The following SLC16A7 variants were observed in gnomAD, a reference collection of about 807,000 sequenced individuals.
SLC16A7 encodes monocarboxylate transporter 2.
In SLC16A7, 33 loss-of-function variants were observed where a neutral mutation model predicts 34.9. That is an observed-to-expected ratio of 0.94 (90% CI 0.72 to 1.26). The LOEUF is 1.26. Among genes scored for constraint, SLC16A7 ranks in the 50% most tolerant of loss-of-function variants. The pLI, the probability that SLC16A7 is intolerant of heterozygous loss-of-function variation, is 0.00. For missense variants in SLC16A7, 573 were observed against 578.1 expected, an observed-to-expected ratio of 0.99 and a Z score of 0.09; for synonymous variants, 201 against 206.6, an observed-to-expected ratio of 0.97 and a Z score of 0.23.
intron 2 of SLC16A7, among the ~76,000 whole-genome samples, chr12:59,697,112 G>C (rs538743620): frequency 6.6e-6 from 1 of 151,998 alleles, no homozygotes; most frequent in Admixed American, 6.6e-5. Flanking sequence ...AACAAAGCAG[G>C]AACAATTTAA....
intron 5 of SLC16A7, among the ~76,000 whole-genome samples, chr12:59,775,865 C>A (rs1330657849): frequency 6.6e-6 from 1 of 151,968 alleles, no homozygotes; most frequent in Non-Finnish European, 1.5e-5. Flanking sequence ...AATATTCTCT[C>A]AAAAGGTCAG....
chr12:59,740,287 T>C (rs1410881286), intron 3 of SLC16A7, among the ~76,000 whole-genome samples: 1 of 152,040 alleles, frequency 6.6e-6, no homozygotes, highest in African/African-American at 2.4e-5. Context: ...CCCAGCACCA[T>C]TTATTAAATA....
At position 59,731,093 on chromosome 12, in the gene SLC16A7, T is replaced by C. The variant is rs556058573; in HGVS notation, c.217+26075T>C. ...GTCTGGTATAATTCCTTTTACCTAA[T>C]AAATGGTAAATATTGTATACTGCTA... On this transcript the variant is annotated intron_variant, in intron 3 of 5. Transcript: ENST00000547379. Among the ~76,000 whole-genome samples, 211 of 152,328 alleles carry C rather than the reference T, an allele frequency of 1.4e-3. 1 individual carries two copies. Among genetic ancestry groups the C allele is most frequent in the Middle Eastern group, 6.8e-3 (2 of 294 alleles).
intron 3 of SLC16A7, among the ~76,000 whole-genome samples, chr12:59,729,902 C>G (rs893270929): frequency 1.3e-5 from 2 of 152,134 alleles, no homozygotes; most frequent in African/African-American, 4.8e-5. Context: ...TGTGGAAAAG[C>G]TAAAAGTAAG....
At chr12:59,726,649 G>C (rs1293613188) in intron 3 of SLC16A7, among the ~76,000 whole-genome samples, 2 of 152,006 alleles carry the variant, frequency 1.3e-5, no homozygotes, top group African/African-American at 2.4e-5. Context: ...AAATTAAAAG[G>C]GTACAGAACC....
chr12:59,624,166 A>C (rs1798232403), intron 1 of SLC16A7, among the ~76,000 whole-genome samples: 1 of 151,608 alleles, frequency 6.6e-6, no homozygotes, highest in Admixed American at 6.6e-5. Context: ...AATAATTAAA[A>C]TATTAACAAA....
At chr12:59,687,650 C>T (rs1871261884) in intron 2 of SLC16A7, among the ~76,000 whole-genome samples, 1 of 152,106 alleles carries the variant, frequency 6.6e-6, no homozygotes, top group Non-Finnish European at 1.5e-5. Flanking sequence ...ATTTCTTGCC[C>T]ATGCTGCTTA....
At position 59,785,384 on chromosome 12, in the gene SLC16A7, G is replaced by A. The variant is rs1439610543; in HGVS notation, c.*5705G>A. On this transcript the variant is annotated 3_prime_UTR_variant, in exon 6 of 6. Coordinates refer to ENST00000547379, the MANE Select transcript of SLC16A7 (RefSeq NM_001270623.2). Reference sequence around the variant, plus strand: ...ATCAGGGAAGAATTGCTGTAGTATTGAGAATGGTCATTTTAAAAGTCTCTA... The same window carrying A: ...ATCAGGGAAGAATTGCTGTAGTATTAAGAATGGTCATTTTAAAAGTCTCTA... The A allele has an allele frequency of 6.6e-6, 1 of 152,052 alleles. No homozygotes were observed. The highest frequency in any genetic ancestry group is 1.5e-5 in the Non-Finnish European group (1 of 67,994). 9.4% of individuals were successfully genotyped at this position (152,052 alleles called of 1,614,324 possible).
chr12:59,756,257 A>C (rs12231132), intron 3 of SLC16A7, among the ~76,000 whole-genome samples: 5 of 152,208 alleles, frequency 3.3e-5, no homozygotes, highest in African/African-American at 1.2e-4. Flanking sequence ...TTGACAAATG[A>C]GATCTAATTA....
chr12:59,719,592 T>A (rs1214008480), intron 3 of SLC16A7: 1 of 152,254 alleles, frequency 6.6e-6, no homozygotes, highest in East Asian at 1.9e-4. Flanking sequence ...AAGTATTAAA[T>A]ATATATTTTA....
rs933863266 is a variant in SLC16A7 at position 59,622,914 on chromosome 12, A to G, written c.-130+26678A>G. On this transcript the variant is annotated intron_variant, in intron 1 of 5. Transcript: ENST00000547379. ...CAGCTCCAGCTTTGTTTTTTCATCTATGGTGATCCATCTGGTGTTCTTTTT... is the reference window on the plus strand; with the variant it reads ...CAGCTCCAGCTTTGTTTTTTCATCTGTGGTGATCCATCTGGTGTTCTTTTT... 4.0e-5 allele frequency among the ~76,000 whole-genome samples: 6 copies of G among 151,504 alleles called. 1 individual carries two copies. In the Admixed American group the frequency reaches 4.0e-4, roughly 10 times the overall value.
chr12:59,648,533 G>C (rs986890306), intron 1 of SLC16A7, among the ~76,000 whole-genome samples: 1 of 151,998 alleles, frequency 6.6e-6, no homozygotes, highest in African/African-American at 2.4e-5. Context: ...GAAGATTCAG[G>C]TATGTAATTT....
rs1252278634 is a variant in SLC16A7, at chr12:59,771,281, T to C, written c.280T>C (p.Leu94=). The C allele has an allele frequency of 6.2e-6, 10 of 1,613,358 alleles. No individual in the cohort carries two copies. In the Admixed American group the frequency reaches 6.7e-5, roughly 11 times the overall value. The stretch of plus-strand genomic sequence containing the variant: ...CCGGCCGGTGGTGATAGCAGGAGGC[T>C]TATTATGCTGTCTTGGAATGGTGTT... The part of the protein sequence containing the change: ...GSRPVVIAGG[L]LCCLGMVLAS... The change falls in exon 4 of 6, where the codon TTA becomes CTA. Residue 94 remains leucine (L), a synonymous_variant. Transcript: ENST00000547379.
At chr12:59,658,883 GT>G (rs1238849434) in intron 2 of SLC16A7, among the ~76,000 whole-genome samples, 1 of 152,004 alleles carries the variant, frequency 6.6e-6, no homozygotes, top group Admixed American at 6.6e-5. Context: ...TGAATTGAGA[GT>G]TTCTGATATG....
chr12:59,691,496 G>A (rs1292087416), intron 2 of SLC16A7, among the ~76,000 whole-genome samples: 1 of 152,004 alleles, frequency 6.6e-6, no homozygotes, highest in Non-Finnish European at 1.5e-5. Context: ...TTGAACAATT[G>A]CCTCCACCAT....
intron 3 of SLC16A7, among the ~76,000 whole-genome samples, chr12:59,736,431 C>T (rs1366169313): frequency 1.3e-5 from 2 of 152,244 alleles, no homozygotes; most frequent in East Asian, 1.9e-4. Flanking sequence ...TTACTAACTC[C>T]AGCAGCCACT....
chr12:59,682,288 A>C (rs1033885472), intron 2 of SLC16A7, among the ~76,000 whole-genome samples: 1 of 152,192 alleles, frequency 6.6e-6, no homozygotes, highest in African/African-American at 2.4e-5. Flanking sequence ...TTTAAGTGCT[A>C]GTTTATATAA....
chr12:59,761,906 T>C (rs1239625710), intron 3 of SLC16A7, among the ~76,000 whole-genome samples: 1 of 152,092 alleles, frequency 6.6e-6, no homozygotes, highest in East Asian at 1.9e-4. Context: ...AAAAGAGAAG[T>C]CCTAAACATG....
chr12:59,786,868 C>T lies in SLC16A7; in HGVS notation c.*7189C>T, dbSNP rs971438043. The T allele has an allele frequency of 8.5e-5, 13 of 152,130 alleles. No homozygotes were observed. The South Asian group carries it at 1.5e-3, about 17-fold the overall frequency. The allele number at this position is 152,130 out of a possible 1,614,324, so 9.4% of individuals were successfully genotyped here. On this transcript the variant is annotated 3_prime_UTR_variant, in exon 6 of 6. Transcript: ENST00000547379. ...CTTTGTAGAGTAAATAAAATATTTT[C>T]CTAGAAATATATATAACAACCCTAC... is the stretch of plus-strand genomic sequence containing the variant.
Sources: allele counts gnomAD v4.1 joint callset (sites outside exome capture counted in the v4.1 genomes callset), GRCh38; gene constraint gnomAD v4.1.1; transcripts MANE v1.5; gene names NCBI Gene and HGNC (gene_info 2026-07-23, HGNC 2026-07-21).